The following FSHR variants were observed in gnomAD, a reference collection of about 807,000 sequenced individuals.
FSHR encodes the protein follicle-stimulating hormone receptor.
A neutral mutation model predicts 52.1 loss-of-function variants in FSHR; 46 were observed. That is an observed-to-expected ratio of 0.88 (90% CI 0.70 to 1.13). The LOEUF is 1.13. Among genes scored for constraint, FSHR ranks in the 50% most tolerant of loss-of-function variants. The pLI is 0.00. For synonymous variants in FSHR, 399 were observed against 309.6 expected (o/e 1.29, Z -3.03); for missense variants, 964 against 834.6 (o/e 1.16, Z -1.91).
At chr2:49,081,770 C>G (rs1027716169) in intron 1 of FSHR, among the ~76,000 whole-genome samples, 3 of 152,202 alleles carry the variant, frequency 2.0e-5, no homozygotes, top group African/African-American at 7.2e-5. Context: ...TTATGATTCT[C>G]TTAAACTCTG....
At chr2:49,020,011 T>C in intron 3 of FSHR, 75 bp downstream of exon 3, 1 of 1,272,692 alleles carries the variant, frequency 7.9e-7, no homozygotes, top group Non-Finnish European at 1.2e-6. Context: ...AATCAGGGCC[T>C]CCCAGGAATG....
At position 48,991,080 on chromosome 2, in the gene FSHR, G is replaced by C. The variant is rs574105987; in HGVS notation, c.375-443C>G. 4.2e-4 allele frequency among the ~76,000 whole-genome samples: 64 copies of C among 152,192 alleles called. 1 individual carries two copies. The highest frequency in any genetic ancestry group is 1.5e-3 in the African/African-American group (61 of 41,498). ...CCCTAAGACCCTAGGGTATGTATGT[G>C]ACCTAAGCTGGGCCAATCAGACTCT... On this transcript the variant is annotated intron_variant, in intron 4 of 9. Transcript: ENST00000406846.
intron 1 of FSHR, among the ~76,000 whole-genome samples, chr2:49,141,704 A>T (rs1672693737): frequency 6.6e-6 from 1 of 152,170 alleles, no homozygotes; most frequent in Non-Finnish European, 1.5e-5. Context: ...TATATATGGG[A>T]GACAAAATAA....
chr2:48,982,903 G>C lies in FSHR; in HGVS notation c.668+9C>G. 6.2e-7 allele frequency: 1 copy of C among 1,608,122 alleles called. No individual in the cohort carries two copies. Among genetic ancestry groups the C allele is most frequent in the Non-Finnish European group, 8.5e-7 (1 of 1,174,508 alleles). ...GCTCTTACACACAGAAATGGGGAAA[G>C]CTACTCACAGAATGACTGGTCCAGA... On this transcript the variant is annotated intron_variant, in intron 8 of 9. Transcript: ENST00000406846.
chr2:49,032,616 G>T (rs1383852011), intron 2 of FSHR, among the ~76,000 whole-genome samples: 2 of 152,152 alleles, frequency 1.3e-5, no homozygotes, highest in African/African-American at 4.8e-5. Context: ...TCACTGATGG[G>T]CGAAATAAAT....
At chr2:48,994,798 G>A (rs1215710071) in intron 4 of FSHR, among the ~76,000 whole-genome samples, 4 of 152,132 alleles carry the variant, frequency 2.6e-5, no homozygotes. Flanking sequence ...TTTAAGTTCT[G>A]CAAATGAGTC....
At chr2:49,101,951 C>T (rs1671042162) in intron 1 of FSHR, among the ~76,000 whole-genome samples, 1 of 152,070 alleles carries the variant, frequency 6.6e-6, no homozygotes, top group Non-Finnish European at 1.5e-5. Context: ...TCATCAGTCC[C>T]ATTGAAGCTC....
chr2:49,033,293 TC>T (rs1668165380), intron 2 of FSHR, among the ~76,000 whole-genome samples: 1 of 152,200 alleles, frequency 6.6e-6, no homozygotes, highest in Admixed American at 6.5e-5. Context: ...TGATTTTTTT[TC>T]ATTGCTTGCT....
intron 1 of FSHR, among the ~76,000 whole-genome samples, chr2:49,086,020 G>A (rs376811852): frequency 6.6e-6 from 1 of 151,932 alleles, no homozygotes; most frequent in African/African-American, 2.4e-5. Context: ...GCTAAATGAC[G>A]AGTTAATGGG....
chr2:49,136,044 A>T (rs1672476907), intron 1 of FSHR, among the ~76,000 whole-genome samples: 1 of 152,032 alleles, frequency 6.6e-6, no homozygotes, highest in Admixed American at 6.6e-5. Flanking sequence ...AACAGAAATT[A>T]ATAAAATAAG....
chr2:49,085,594 C>T (rs1286001856), intron 1 of FSHR, among the ~76,000 whole-genome samples: 2 of 152,134 alleles, frequency 1.3e-5, no homozygotes, highest in African/African-American at 2.4e-5. Flanking sequence ...TACCATTTGA[C>T]CCAGCCATCC....
chr2:49,147,862 G>A (rs540886407), intron 1 of FSHR, among the ~76,000 whole-genome samples: 1 of 151,988 alleles, frequency 6.6e-6, no homozygotes, highest in Admixed American at 6.6e-5. Flanking sequence ...AAAGGATTAT[G>A]TATATATTAG....
intron 1 of FSHR, among the ~76,000 whole-genome samples, chr2:49,110,582 G>A (rs1671387852): frequency 6.6e-6 from 1 of 152,122 alleles, no homozygotes; most frequent in Non-Finnish European, 1.5e-5. Flanking sequence ...CATGTTTTCA[G>A]CCTCTTGAGG....
chr2:48,990,557 A>G lies in FSHR; in HGVS notation c.446+9T>C. 6.3e-7 allele frequency: 1 copy of G among 1,590,362 alleles called. No homozygotes were observed. The highest frequency in any genetic ancestry group is 8.6e-7 in the Non-Finnish European group (1 of 1,158,384). ...AAAGAGTTGGTAGTCACTCAAGGAA[A>G]AAACTTACAGTAAAACTTTTTGGAG... On this transcript the variant is annotated intron_variant, in intron 5 of 9. Transcript: ENST00000406846.
At position 49,011,236 on chromosome 2, in the gene FSHR, T is replaced by C. The variant is rs929736192; in HGVS notation, c.374+6253A>G. Among the ~76,000 whole-genome samples the C allele has an allele frequency of 5.3e-5, 8 of 151,954 alleles. No homozygotes were observed. In the South Asian group the frequency reaches 8.4e-4, roughly 16 times the overall value. On this transcript the variant is annotated intron_variant, in intron 4 of 9. Transcript: ENST00000406846. ...AGATTCTGGTATGTTGTGTCTTTGTTCTCGTTGGTTTCAAAGAACATATTT... is the reference window on the plus strand; with the variant it reads ...AGATTCTGGTATGTTGTGTCTTTGTCCTCGTTGGTTTCAAAGAACATATTT...
At chr2:49,058,405 G>A (rs1669147743) in intron 2 of FSHR, among the ~76,000 whole-genome samples, 2 of 152,010 alleles carry the variant, frequency 1.3e-5, no homozygotes, top group Admixed American at 6.6e-5. Context: ...AAATTAGCCA[G>A]GCATGGTGGT....
rs182920290 is a variant in FSHR, at chr2:49,055,483, A to T, written c.224+12736T>A. On this transcript the variant is annotated intron_variant, in intron 2 of 9. Coordinates refer to ENST00000406846, the MANE Select transcript of FSHR (RefSeq NM_000145.4). ...CATATTTAATAAAATAATAGCTGAAAATTTCCCAAGTATTGGGAGAGAGAT... is the reference window on the plus strand; with the variant it reads ...CATATTTAATAAAATAATAGCTGAATATTTCCCAAGTATTGGGAGAGAGAT... Among the ~76,000 whole-genome samples, 3 of 148,150 alleles carry T rather than the reference A, an allele frequency of 2.0e-5. No homozygotes were observed. In the Admixed American group the frequency reaches 2.0e-4, roughly 10 times the overall value.
Position 48,990,559 on chromosome 2 carries a change from A to T in FSHR, c.446+7T>A. On this transcript the variant is annotated splice_region_variant and intron_variant, in intron 5 of 9. Coordinates refer to ENST00000406846, the MANE Select transcript of FSHR (RefSeq NM_000145.4). ...AGAGTTGGTAGTCACTCAAGGAAAA[A>T]ACTTACAGTAAAACTTTTTGGAGAG... The T allele has an allele frequency of 6.3e-7, 1 of 1,593,320 alleles. No homozygotes were observed. The highest frequency in any genetic ancestry group is 8.6e-7 in the Non-Finnish European group (1 of 1,161,120).
chr2:49,090,124 A>T (rs1362504266), intron 1 of FSHR, among the ~76,000 whole-genome samples: 7 of 148,778 alleles, frequency 4.7e-5, no homozygotes, highest in Admixed American at 4.0e-4. Context: ...AGTAAAATCG[A>T]GTGTGTGTGT....
Sources: allele counts gnomAD v4.1 joint callset (sites outside exome capture counted in the v4.1 genomes callset), GRCh38; gene constraint gnomAD v4.1.1; transcripts MANE v1.5; gene names NCBI Gene and HGNC (gene_info 2026-07-23, HGNC 2026-07-21).